F8: variants seen among roughly 807,000 people sequenced by gnomAD.
F8 encodes antihemophilic factor.
A neutral mutation model predicts 140.6 loss-of-function variants in F8; 12 were observed. That is an observed-to-expected ratio of 0.09 (90% confidence interval 0.05 to 0.14). The LOEUF is 0.14. F8 is among the 10% of genes least tolerant of loss of function. The pLI is 1.00. For missense variants in F8, 1,354 were observed against 1,720.7 expected (o/e 0.79, Z 3.77); for synonymous variants, 585 against 614.6 (o/e 0.95, Z 0.71).
At chrX:154,926,143 A>G (rs1603433657) in intron 14 of F8, among the ~76,000 whole-genome samples, 1 of 112,106 alleles carries the variant, frequency 8.9e-6, no homozygotes, top group South Asian at 3.7e-4. Flanking sequence ...CATGTGAGAT[A>G]TAACTTGCTC....
At chrX:154,842,053 T>C (rs782364061) in intron 25 of F8, among the ~76,000 whole-genome samples, 2 of 112,102 alleles carry the variant, frequency 1.8e-5, no homozygotes, top group Non-Finnish European at 3.8e-5. Flanking sequence ...TTTTTTAAAT[T>C]AATAACCTTT....
In F8 at chrX:154,929,066, T is replaced by C; in HGVS notation, c.4724A>G (p.Lys1575Arg). ...FLRVATESSAKTPSKLLDPLA... is the reference protein window; with the variant it reads ...FLRVATESSARTPSKLLDPLA... ...AGGATCCAATAGCTTGGAGGGAGTC[T>C]TTGCAGAGCTTTCTGTTGCTACTCT... is the stretch of plus-strand genomic sequence containing the variant. Residue 1575 changes from lysine to arginine, a missense_variant, in exon 14 of 26, where the codon AAG becomes AGG. This residue lies in a region of F8 where 658 missense variants were observed against 666.5 expected (regional missense o/e 0.99). Transcript: ENST00000360256. 8.3e-7 allele frequency: 1 copy of C among 1,211,398 alleles called. No individual in the cohort carries two copies. The highest frequency in any genetic ancestry group is 1.1e-6 in the Non-Finnish European group (1 of 895,418).
chrX:154,961,533 GTAT>G (rs1445710851), intron 9 of F8, among the ~76,000 whole-genome samples: 44 of 111,522 alleles, frequency 3.9e-4, no homozygotes, highest in African/African-American at 1.3e-3. Flanking sequence ...TTGTTTCTTT[GTAT>G]TATTGTTTAT....
intron 25 of F8, among the ~76,000 whole-genome samples, chrX:154,845,715 C>T: frequency 9.0e-6 from 1 of 111,545 alleles, no homozygotes; most frequent in Admixed American, 9.5e-5. Flanking sequence ...AGTGTTCTAT[C>T]AATTTTGTTG....
At chrX:154,978,048 C>T (rs782565412) in intron 6 of F8, among the ~76,000 whole-genome samples, 4 of 109,276 alleles carry the variant, frequency 3.7e-5, no homozygotes, top group African/African-American at 1.0e-4. Flanking sequence ...TATTGTTGAA[C>T]CTTTCAAATC....
chrX:154,839,575 G>A (rs782212138), intron 25 of F8, among the ~76,000 whole-genome samples: 1 of 110,196 alleles, frequency 9.1e-6, no homozygotes, highest in Admixed American at 9.7e-5. Context: ...TGTTAGCCAG[G>A]ATGGTCTTGA....
chrX:154,969,039 G>A (rs2073440738), intron 7 of F8, among the ~76,000 whole-genome samples: 1 of 110,657 alleles, frequency 9.0e-6, no homozygotes. Flanking sequence ...GAAACCAAGG[G>A]CATACTATTC....
intron 25 of F8, among the ~76,000 whole-genome samples, chrX:154,849,180 G>A (rs1257623187): frequency 2.7e-5 from 3 of 109,705 alleles, no homozygotes; most frequent in Non-Finnish European, 5.7e-5. Flanking sequence ...GTTTCACCAT[G>A]TTAGCCAGGA....
chrX:154,931,505 G>C lies in F8; in HGVS notation c.2285C>G (p.Ser762Cys). The C allele has an allele frequency of 8.3e-7, 1 of 1,211,676 alleles. No individual in the cohort carries two copies. Among genetic ancestry groups the C allele is most frequent in the Non-Finnish European group, 1.1e-6 (1 of 895,373 alleles). The change falls in exon 14 of 26, where the codon TCC becomes TGC. Residue 762 changes from serine to cysteine, a missense_variant. Ser to Cys is a moderately radical substitution (Grantham distance 112). This residue lies in a region of F8 where 658 missense variants were observed against 666.5 expected (regional missense o/e 0.99). Transcript: ENST00000360256. ...AGTGCTAGGGTGTCTTGAATTCTGGGAGAAGCTTCTTGGTTCAATGGCATT... is the reference window on the plus strand; with the variant it reads ...AGTGCTAGGGTGTCTTGAATTCTGGCAGAAGCTTCTTGGTTCAATGGCATT... ...KNNAIEPRSF[S>C]QNSRHPSTRQ...
chrX:154,927,741 G>T (rs2073168242), intron 14 of F8, among the ~76,000 whole-genome samples: 1 of 111,960 alleles, frequency 8.9e-6, no homozygotes, highest in Non-Finnish European at 1.9e-5. Context: ...GACAAGTCAT[G>T]CTTGTCCCTT....
At chrX:154,942,863 A>T (rs2073277421) in intron 13 of F8, among the ~76,000 whole-genome samples, 1 of 106,586 alleles carries the variant, frequency 9.4e-6, no homozygotes, top group Admixed American at 1.0e-4. Flanking sequence ...CTGGTTCAAT[A>T]TATGCAAATC....
intron 22 of F8, among the ~76,000 whole-genome samples, chrX:154,863,813 C>T (rs925012455): frequency 9.0e-6 from 1 of 111,219 alleles, no homozygotes; most frequent in Non-Finnish European, 1.9e-5. Context: ...TGGTTGTGGA[C>T]CCAGAAGCAG....
At chrX:155,016,104 G>A (rs934433456) in intron 1 of F8, among the ~76,000 whole-genome samples, 1 of 111,216 alleles carries the variant, frequency 9.0e-6, no homozygotes, top group Non-Finnish European at 1.9e-5. Flanking sequence ...GGGCACGGTG[G>A]CGTGTGACCA....
At chrX:155,001,895 G>T (rs781889800) in intron 1 of F8, among the ~76,000 whole-genome samples, 1 of 111,865 alleles carries the variant, frequency 8.9e-6, no homozygotes, top group African/African-American at 3.3e-5. Context: ...CTGGGCAACA[G>T]AGTGAGATCC....
Position 154,969,378 on chromosome X carries a change from T to C in F8, c.962A>G (p.Asp321Gly). 9 of 1,211,479 alleles carry C rather than the reference T, an allele frequency of 7.4e-6. No homozygotes were observed. The highest frequency in any genetic ancestry group is 1.0e-5 in the Non-Finnish European group (9 of 895,260). Reference sequence around the variant, plus strand: ...ACAAAACAGTAGAAACTGTCCAAGGTCCATCAAGAGTGTTTGAGCAGTAAG... The same window carrying C: ...ACAAAACAGTAGAAACTGTCCAAGGCCCATCAAGAGTGTTTGAGCAGTAAG... ...TFLTAQTLLMDLGQFLLFCHI... is the reference protein window; with the variant it reads ...TFLTAQTLLMGLGQFLLFCHI... Residue 321 changes from aspartate to glycine, a missense_variant, in exon 7 of 26, where the codon GAC becomes GGC. Asp to Gly is a moderately conservative substitution (Grantham distance 94). This residue lies in a region of F8 where 252 missense variants were observed against 338.5 expected (regional missense o/e 0.74). Transcript: ENST00000360256.
intron 9 of F8, among the ~76,000 whole-genome samples, chrX:154,962,759 G>T: frequency 9.0e-6 from 1 of 110,803 alleles, no homozygotes. Flanking sequence ...CCAGCTACTT[G>T]GGAGGCTGAG....
chrX:154,954,009 A>G lies in F8; in HGVS notation c.1786T>C (p.Ser596Pro), dbSNP rs137852423. Residue 596 changes from serine (S) to proline (P), a missense_variant, in exon 12 of 26, where the codon TCT (serine) becomes CCT (proline). Ser to Pro is a moderately conservative substitution (Grantham distance 74). Coordinates refer to ENST00000360256, the MANE Select transcript of F8 (RefSeq NM_000132.4). ...MSDKRNVILFSVFDENRSWYL... is the reference protein window; with the variant it reads ...MSDKRNVILFPVFDENRSWYL... ...CAGCTTCGGTTCTCATCAAATACAG[A>G]AAACAGGATGACATTCCTCTTGTCT... The G allele has an allele frequency of 8.3e-7, 1 of 1,209,959 alleles. No homozygotes were observed. Among genetic ancestry groups the G allele is most frequent in the African/African-American group, 1.7e-5 (1 of 57,249 alleles).
In F8 at chrX:154,863,233, T is replaced by G. The variant is rs782789437; in HGVS notation, c.6430-6A>C. On this transcript the variant is annotated splice_polypyrimidine_tract_variant and splice_region_variant and intron_variant, in intron 22 of 25. Coordinates refer to ENST00000360256, the MANE Select transcript of F8 (RefSeq NM_000132.4). ...TCCACATTGCCAAAGAAGACCTGTA[T>G]GGAGAGATTAGCACAAATACATGGA... The G allele has an allele frequency of 9.1e-6, 11 of 1,205,652 alleles. No individual in the cohort carries two copies. In the South Asian group the frequency reaches 1.9e-4, roughly 21 times the overall value.
chrX:154,972,399 T>A (rs1557282652), intron 6 of F8, among the ~76,000 whole-genome samples: 2 of 111,765 alleles, frequency 1.8e-5, no homozygotes, highest in Non-Finnish European at 3.8e-5. Context: ...TTGTTTGAGT[T>A]CCTTATATAT....
Sources: gnomAD v4.1 joint callset for allele counts (sites outside exome capture counted in the v4.1 genomes callset) on GRCh38, gnomAD v4.1.1 for gene constraint, gnomAD v4.1.1 regional missense constraint, MANE v1.5 for transcripts, NCBI Gene and HGNC (gene_info 2026-07-23, HGNC 2026-07-21) for gene names.